The following ERBB4 variants were observed in gnomAD, a reference collection of about 807,000 sequenced individuals.
ERBB4 encodes receptor tyrosine-protein kinase erbB-4.
A neutral mutation model predicts 158.0 loss-of-function variants in ERBB4; 42 were observed. The ratio of observed to expected loss-of-function variants is 0.27; its 90% confidence interval spans 0.21 to 0.34. ERBB4 has a LOEUF of 0.34. ERBB4 is among the 10% of genes least tolerant of loss of function. The pLI is 1.00. For missense variants in ERBB4, 1,333 were observed against 1,624.1 expected (o/e 0.82, Z 3.08); for synonymous variants, 583 against 558.7 (o/e 1.04, Z -0.61).
intron 20 of ERBB4, among the ~76,000 whole-genome samples, chr2:211,467,520 C>T (rs2064723892): frequency 1.3e-5 from 2 of 152,128 alleles, no homozygotes; most frequent in Admixed American, 6.6e-5. Context: ...TCCACCTGTC[C>T]ATGCAGTGGA....
intron 1 of ERBB4, among the ~76,000 whole-genome samples, chr2:212,442,687 A>G (rs969466137): frequency 2.6e-5 from 4 of 152,174 alleles, no homozygotes; most frequent in Non-Finnish European, 2.9e-5. Flanking sequence ...CATAATTGGC[A>G]TAGACATACT....
intron 13 of ERBB4, among the ~76,000 whole-genome samples, chr2:211,677,055 T>C (rs1431608532): frequency 6.6e-6 from 1 of 152,196 alleles, no homozygotes; most frequent in Admixed American, 6.5e-5. Flanking sequence ...ATACTTATGC[T>C]TCTAATATTA....
intron 1 of ERBB4, among the ~76,000 whole-genome samples, chr2:212,380,976 T>G (rs1423695315): frequency 6.6e-6 from 1 of 151,384 alleles, no homozygotes; most frequent in Non-Finnish European, 1.5e-5. Context: ...GGAGATAGGT[T>G]TCTTTTTTCG....
At chr2:212,174,456 T>C (rs942785017) in intron 1 of ERBB4, among the ~76,000 whole-genome samples, 1 of 152,098 alleles carries the variant, frequency 6.6e-6, no homozygotes, top group South Asian at 2.1e-4. Flanking sequence ...CCAATTTATA[T>C]GAAATGTGAC....
chr2:212,413,433 A>C (rs552714877), intron 1 of ERBB4, among the ~76,000 whole-genome samples: 1 of 152,276 alleles, frequency 6.6e-6, no homozygotes, highest in East Asian at 1.9e-4. Context: ...ACAGAATGTT[A>C]AAATTTCTCC....
intron 4 of ERBB4, among the ~76,000 whole-genome samples, chr2:211,776,127 A>G (rs142024652): frequency 0.012 from 1,861 of 152,278 alleles, 42 homozygotes; most frequent in African/African-American, 0.042. Context: ...ATCTAATCCC[A>G]GTTTGGGTCT....
chr2:211,913,821 C>T (rs2079609379), intron 3 of ERBB4, among the ~76,000 whole-genome samples: 1 of 150,752 alleles, frequency 6.6e-6, no homozygotes, highest in Admixed American at 6.6e-5. Flanking sequence ...AGAAAATAAA[C>T]AAAATTAACA....
intron 1 of ERBB4, among the ~76,000 whole-genome samples, chr2:212,520,531 G>A (rs1692097385): frequency 6.6e-6 from 1 of 151,868 alleles, no homozygotes; most frequent in Non-Finnish European, 1.5e-5. Context: ...ATATTGTTCT[G>A]GAGCACCACC....
chr2:212,519,763 G>C (rs1349349427), intron 1 of ERBB4, among the ~76,000 whole-genome samples: 2 of 152,000 alleles, frequency 1.3e-5, no homozygotes, highest in Admixed American at 1.3e-4. Context: ...TGGAGGCTGG[G>C]AAGAATAAGG....
chr2:211,738,282 C>A (rs1407902409), intron 5 of ERBB4, among the ~76,000 whole-genome samples: 1 of 149,016 alleles, frequency 6.7e-6, no homozygotes, highest in Non-Finnish European at 1.5e-5. Context: ...ATGTTCAATT[C>A]TTTTTAATTA....
chr2:212,201,495 C>T (rs376781615), intron 1 of ERBB4, among the ~76,000 whole-genome samples: 5 of 151,948 alleles, frequency 3.3e-5, no homozygotes, highest in East Asian at 1.9e-4. Context: ...TTGCTTTAAT[C>T]GATAAATATT....
At chr2:212,532,853 T>G (rs1441628235) in intron 1 of ERBB4, among the ~76,000 whole-genome samples, 1 of 152,178 alleles carries the variant, frequency 6.6e-6, no homozygotes, top group African/African-American at 2.4e-5. Flanking sequence ...CTAAAACAAT[T>G]ATTACATGCT....
At chr2:212,259,697 A>G (rs1021564244) in intron 1 of ERBB4, among the ~76,000 whole-genome samples, 6 of 152,232 alleles carry the variant, frequency 3.9e-5, no homozygotes, top group African/African-American at 1.4e-4. Flanking sequence ...ATACAAGAGT[A>G]ATACTATTCC....
At chr2:211,423,375 A>AAGTT (rs977038291) in intron 23 of ERBB4, among the ~76,000 whole-genome samples, 24 of 152,042 alleles carry the variant, frequency 1.6e-4, no homozygotes, top group African/African-American at 5.1e-4. Flanking sequence ...TCACCTTCAC[A>AAGTT]AGTTTGTTTC....
chr2:212,310,577 ATCTC>A (rs1234068089), intron 1 of ERBB4, among the ~76,000 whole-genome samples: 1 of 146,412 alleles, frequency 6.8e-6, no homozygotes, highest in Non-Finnish European at 1.5e-5. Flanking sequence ...GAACCATCTA[ATCTC>A]TCTGTTTTGA....
intron 1 of ERBB4, among the ~76,000 whole-genome samples, chr2:212,317,148 C>T (rs1560001270): frequency 6.6e-6 from 1 of 151,338 alleles, no homozygotes; most frequent in South Asian, 2.1e-4. Context: ...CATCTCTTTA[C>T]TTTTGTTTCC....
rs1309860157 is a variant in ERBB4 at position 211,544,041 on chromosome 2, T to C, written c.2487+17862A>G. Among the ~76,000 whole-genome samples, 3 of 152,002 alleles carry C rather than the reference T, an allele frequency of 2.0e-5. No individual in the cohort carries two copies. In the East Asian group the frequency reaches 5.8e-4, roughly 30 times the overall value. On this transcript the variant is annotated intron_variant, in intron 20 of 27. Transcript: ENST00000342788. ...GTTAAAGTCTCACTGCACAGATACATTTTGATATAATGATAATCCATAGAT... is the reference window on the plus strand; with the variant it reads ...GTTAAAGTCTCACTGCACAGATACACTTTGATATAATGATAATCCATAGAT...
intron 1 of ERBB4, among the ~76,000 whole-genome samples, chr2:212,367,390 G>A (rs368551715): frequency 6.6e-6 from 1 of 152,002 alleles, no homozygotes; most frequent in African/African-American, 2.4e-5. Flanking sequence ...GCCACACGTA[G>A]GAGAATGATA....
chr2:212,287,899 T>A (rs982404998), intron 1 of ERBB4, among the ~76,000 whole-genome samples: 6 of 151,708 alleles, frequency 4.0e-5, no homozygotes, highest in African/African-American at 1.5e-4. Flanking sequence ...ACTGGGGCCT[T>A]TTGGAGGGTG....
Sources: allele counts gnomAD v4.1 joint callset (sites outside exome capture counted in the v4.1 genomes callset), GRCh38; gene constraint gnomAD v4.1.1; transcripts MANE v1.5; gene names NCBI Gene and HGNC (gene_info 2026-07-23, HGNC 2026-07-21).